Variants in ENOX1 observed in about 807,000 individuals in gnomAD.
The protein encoded by ENOX1 is ecto-NOX disulfide-thiol exchanger 1.
A neutral mutation model predicts 82.5 loss-of-function variants in ENOX1; 42 were observed. The ratio of observed to expected loss-of-function variants is 0.51; its 90% confidence interval spans 0.40 to 0.66. ENOX1 has a LOEUF of 0.66. Ranked by LOEUF, ENOX1 falls within the 30% of genes least tolerant of loss-of-function variation. ENOX1 has a pLI of 0.00. For missense variants in ENOX1, 608 were observed against 811.6 expected, an observed-to-expected ratio of 0.75 and a Z score of 3.05; for synonymous variants, 271 against 282.2, an observed-to-expected ratio of 0.96 and a Z score of 0.40.
chr13:43,546,727 A>G (rs2153697340), intron 2 of ENOX1: 1 of 152,288 alleles, frequency 6.6e-6, no homozygotes, highest in South Asian at 2.1e-4. Context: ...AAATAAACCA[A>G]TCATTAAAAT....
chr13:43,773,258 T>G (rs973482362), intron 1 of ENOX1, among the ~76,000 whole-genome samples: 7 of 152,248 alleles, frequency 4.6e-5, no homozygotes, highest in African/African-American at 1.7e-4. Flanking sequence ...GGATTTCCTT[T>G]TGGTGGCTGC....
chr13:43,307,508 A>T (rs1017390366), intron 11 of ENOX1, among the ~76,000 whole-genome samples: 1 of 152,166 alleles, frequency 6.6e-6, no homozygotes, highest in Non-Finnish European at 1.5e-5. Flanking sequence ...TGCTTTCTTC[A>T]TGACTTTCTT....
chr13:43,546,057 G>T (rs1261175672), intron 2 of ENOX1: 1 of 152,212 alleles, frequency 6.6e-6, no homozygotes, highest in African/African-American at 2.4e-5. Flanking sequence ...AGTGTTAATT[G>T]AATCTCTATA....
rs541461599 is a variant in ENOX1, at chr13:43,403,304, G to A, written c.208+8612C>T. Among the ~76,000 whole-genome samples, 17 of 152,146 alleles carry A rather than the reference G, an allele frequency of 1.1e-4. No homozygotes were observed. The South Asian group carries it at 3.1e-3, about 28-fold the overall frequency. ...TTATATTAATAATTCAGAAGAGGTC[G>A]ATCTAATGCTAAGCAAGTAAATTTA... On this transcript the variant is annotated intron_variant, in intron 5 of 16. Transcript: ENST00000690772.
chr13:43,636,302 C>T (rs946613068), intron 2 of ENOX1, among the ~76,000 whole-genome samples: 3 of 152,132 alleles, frequency 2.0e-5, no homozygotes, highest in African/African-American at 7.2e-5. Flanking sequence ...ATAACATCTT[C>T]TTGAAGGTGA....
chr13:43,398,675 A>G (rs146441452), intron 5 of ENOX1, among the ~76,000 whole-genome samples: 134 of 152,134 alleles, frequency 8.8e-4, no homozygotes, highest in Admixed American at 1.4e-3. Context: ...TGAGACAGCA[A>G]GATCAACTTT....
chr13:43,445,418 C>T (rs141709928), intron 3 of ENOX1, among the ~76,000 whole-genome samples: 4,011 of 151,568 alleles, frequency 0.026, 179 homozygotes, highest in African/African-American at 0.09. Context: ...CCACTGCCCC[C>T]GGCCCACTTT....
At chr13:43,586,743 C>T (rs2081005181) in intron 2 of ENOX1, among the ~76,000 whole-genome samples, 1 of 152,118 alleles carries the variant, frequency 6.6e-6, no homozygotes, top group Non-Finnish European at 1.5e-5. Flanking sequence ...TCCTCACACT[C>T]CTGTGTTTTC....
intron 12 of ENOX1, among the ~76,000 whole-genome samples, chr13:43,271,463 T>C (rs2044677678): frequency 6.6e-6 from 1 of 152,060 alleles, no homozygotes; most frequent in East Asian, 1.9e-4. Context: ...CTTTTTTGCT[T>C]GTCAGTTTTC....
At chr13:43,486,642 TAAG>T (rs934350720) in intron 2 of ENOX1, among the ~76,000 whole-genome samples, 5 of 152,088 alleles carry the variant, frequency 3.3e-5, no homozygotes, top group African/African-American at 1.2e-4. Context: ...TCAAAAACCA[TAAG>T]AAGGTGGTAC....
chr13:43,749,262 A>C (rs911858951), intron 1 of ENOX1, among the ~76,000 whole-genome samples: 1 of 152,220 alleles, frequency 6.6e-6, no homozygotes, highest in African/African-American at 2.4e-5. Context: ...AATAAGAACA[A>C]GGCAGGGAAT....
intron 1 of ENOX1, among the ~76,000 whole-genome samples, chr13:43,675,330 A>C (rs886799432): frequency 5.9e-5 from 9 of 152,184 alleles, no homozygotes; most frequent in Non-Finnish European, 1.3e-4. Flanking sequence ...ATGAGAGGAG[A>C]GACCATGCAC....
intron 12 of ENOX1, among the ~76,000 whole-genome samples, chr13:43,297,463 C>A (rs2046341904): frequency 6.6e-6 from 1 of 151,522 alleles, no homozygotes; most frequent in African/African-American, 2.4e-5. Context: ...TTTGTATATT[C>A]AGAGGGATAA....
intron 2 of ENOX1, among the ~76,000 whole-genome samples, chr13:43,605,751 G>C (rs1276598525): frequency 6.6e-6 from 1 of 152,140 alleles, no homozygotes; most frequent in Non-Finnish European, 1.5e-5. Context: ...ACTGGGCAAA[G>C]ACTTCTTGAG....
intron 11 of ENOX1, among the ~76,000 whole-genome samples, chr13:43,319,206 C>G (rs1413637755): frequency 6.6e-6 from 1 of 152,150 alleles, no homozygotes; most frequent in Non-Finnish European, 1.5e-5. Flanking sequence ...TTCAATAAAT[C>G]TGTCATTATT....
In ENOX1 at chr13:43,661,124, G is replaced by A. The variant is rs929700987; in HGVS notation, c.-219+6355C>T. On this transcript the variant is annotated intron_variant, in intron 2 of 16. Transcript: ENST00000690772. ...TACCATTATTACTTAAATAACTTCAGGTAAAACAACTTTGTTTATTGTGCC... is the reference window on the plus strand; with the variant it reads ...TACCATTATTACTTAAATAACTTCAAGTAAAACAACTTTGTTTATTGTGCC... Among the ~76,000 whole-genome samples the A allele has an allele frequency of 2.0e-5, 3 of 152,106 alleles. No homozygotes were observed. In the East Asian group the frequency reaches 5.8e-4, roughly 29 times the overall value.
At chr13:43,416,032 G>A (rs535711648) in intron 3 of ENOX1, among the ~76,000 whole-genome samples, 242 of 149,358 alleles carry the variant, frequency 1.6e-3, no homozygotes, top group African/African-American at 3.9e-3. Context: ...GGGCAGAGGC[G>A]CTCCTCACTT....
intron 2 of ENOX1, among the ~76,000 whole-genome samples, chr13:43,520,850 G>A (rs1053847929): frequency 2.0e-5 from 3 of 152,160 alleles, no homozygotes; most frequent in Non-Finnish European, 4.4e-5. Flanking sequence ...AGGCTGGGTC[G>A]AAACAGGCTC....
At chr13:43,628,779 A>G (rs1019214328) in intron 2 of ENOX1, among the ~76,000 whole-genome samples, 4 of 152,198 alleles carry the variant, frequency 2.6e-5, no homozygotes, top group South Asian at 2.1e-4. Flanking sequence ...GGGAAGGAAG[A>G]ATGCCATCTC....
Sources: allele counts gnomAD v4.1 joint callset (sites outside exome capture counted in the v4.1 genomes callset), GRCh38; gene constraint gnomAD v4.1.1; transcripts MANE v1.5; gene names NCBI Gene and HGNC (gene_info 2026-07-23, HGNC 2026-07-21).